RBFOX1: variants seen among roughly 807,000 people sequenced by gnomAD.
RBFOX1 encodes RNA binding fox-1 homolog 1, also known as RNA binding protein fox-1 homolog 1.
RBFOX1 carries 8 observed loss-of-function variants against 57.7 expected under a neutral mutation model. The observed-to-expected ratio is 0.14, with a 90% CI of 0.08 to 0.25. The LOEUF (loss-of-function observed/expected upper bound fraction) is 0.25, where lower values mean the gene tolerates loss of function less well. Ranked by LOEUF, RBFOX1 falls within the 10% of genes least tolerant of loss-of-function variation. RBFOX1 has a pLI of 1.00. For synonymous variants in RBFOX1, 326 were observed against 222.4 expected (o/e 1.47, Z -4.15); for missense variants, 611 against 548.5 (o/e 1.11, Z -1.14).
chr16:7,701,305 G>A (rs74011863), intron 14 of RBFOX1, among the ~76,000 whole-genome samples: 1,617 of 152,040 alleles, frequency 0.011, 25 homozygotes, highest in African/African-American at 0.029. Flanking sequence ...GGTGGTGAGC[G>A]GGGTGGGGGG....
At chr16:6,345,996 T>C (rs572045672) in intron 2 of RBFOX1, among the ~76,000 whole-genome samples, 1 of 152,304 alleles carries the variant, frequency 6.6e-6, no homozygotes, top group African/African-American at 2.4e-5. Context: ...ATAGGTGGGA[T>C]ACAAAGTGGT....
intron 4 of RBFOX1, among the ~76,000 whole-genome samples, chr16:7,459,278 A>G (rs1371020380): frequency 6.6e-6 from 1 of 152,204 alleles, no homozygotes; most frequent in Admixed American, 6.5e-5. Flanking sequence ...ACCAACAATT[A>G]TTATGTTTTG....
chr16:5,321,914 C>T (rs973777693), intron 1 of RBFOX1, among the ~76,000 whole-genome samples: 36 of 152,144 alleles, frequency 2.4e-4, no homozygotes, highest in Admixed American at 2.2e-3. Flanking sequence ...CCTTACGGGG[C>T]ACTGATTGCT....
intron 1 of RBFOX1, among the ~76,000 whole-genome samples, chr16:6,248,859 A>G (rs539327414): frequency 2.0e-5 from 3 of 152,256 alleles, no homozygotes; most frequent in East Asian, 3.9e-4. Flanking sequence ...TCAACACATG[A>G]AAAGAGCTTA....
At chr16:7,001,005 C>A (rs908111990) in intron 3 of RBFOX1, among the ~76,000 whole-genome samples, 3 of 152,102 alleles carry the variant, frequency 2.0e-5, no homozygotes, top group African/African-American at 7.2e-5. Flanking sequence ...GCAACCATTA[C>A]CATCACTCCT....
chr16:6,745,895 CAGAA>C (rs940368604), intron 3 of RBFOX1, among the ~76,000 whole-genome samples: 22 of 152,260 alleles, frequency 1.4e-4, no homozygotes, highest in Admixed American at 8.5e-4. Context: ...CTCTCTAAAA[CAGAA>C]AGTCACTGGA....
chr16:5,647,853 G>A (rs73512408), intron 3 of RBFOX1, among the ~76,000 whole-genome samples: 1,643 of 148,966 alleles, frequency 0.011, 29 homozygotes, highest in African/African-American at 0.04. Flanking sequence ...AGGCTGTTTT[G>A]TTTTTGTTTT....
intron 1 of RBFOX1, among the ~76,000 whole-genome samples, chr16:5,286,174 G>A (rs1388144989): frequency 6.6e-6 from 1 of 152,182 alleles, no homozygotes; most frequent in Non-Finnish European, 1.5e-5. Flanking sequence ...GACCAGGTGT[G>A]TCAATACTAG....
chr16:7,582,834 T>C (rs2093880821), intron 6 of RBFOX1, among the ~76,000 whole-genome samples: 1 of 152,132 alleles, frequency 6.6e-6, no homozygotes, highest in Non-Finnish European at 1.5e-5. Context: ...CTTTGTCTCT[T>C]GTTAAATATA....
At chr16:5,798,566 G>A (rs1374120844) in intron 3 of RBFOX1, among the ~76,000 whole-genome samples, 11 of 152,160 alleles carry the variant, frequency 7.2e-5, no homozygotes, top group Non-Finnish European at 1.2e-4. Context: ...GGGCATCTGC[G>A]CTAAATGATT....
intron 1 of RBFOX1, among the ~76,000 whole-genome samples, chr16:5,455,020 T>TTTCTTTCTTTCTTTCTTTCTTTCC (rs1555524318): frequency 1.7e-4 from 20 of 115,968 alleles, no homozygotes; most frequent in African/African-American, 6.1e-4. Context: ...TCTTTCTTTC[T>TTTCTTTCTTTCTTTCTTTCTTTCC]TTCTCTCTCT....
chr16:6,657,076 CCCTTTCCTCTCCTCCCCTTT>C (rs2098662680), intron 3 of RBFOX1, among the ~76,000 whole-genome samples: 10 of 92,042 alleles, frequency 1.1e-4, no homozygotes, highest in African/African-American at 4.2e-4. Context: ...TCCTCTCCTC[CCCTTTCCTCTCCTCCCCTTT>C]ACTCTCCTCT....
intron 3 of RBFOX1, among the ~76,000 whole-genome samples, chr16:5,741,087 C>T (rs1238053969): frequency 6.6e-6 from 1 of 152,190 alleles, no homozygotes; most frequent in Non-Finnish European, 1.5e-5. Context: ...AGGGTGGAGT[C>T]ACTGGTCCAA....
At chr16:7,689,539 G>A (rs1222031265) in intron 14 of RBFOX1, among the ~76,000 whole-genome samples, 2 of 151,950 alleles carry the variant, frequency 1.3e-5, no homozygotes, top group Admixed American at 6.6e-5. Context: ...CCTCTCTCCT[G>A]GAAATTCTGA....
intron 2 of RBFOX1, among the ~76,000 whole-genome samples, chr16:5,475,669 G>A (rs1026366403): frequency 1.3e-5 from 2 of 152,214 alleles, no homozygotes; most frequent in Non-Finnish European, 2.9e-5. Flanking sequence ...TGACAACCCA[G>A]TGAGGAGCCA....
At chr16:6,684,645 CTTCT>C (rs2059159515) in intron 3 of RBFOX1, among the ~76,000 whole-genome samples, 2 of 152,142 alleles carry the variant, frequency 1.3e-5, no homozygotes, top group Admixed American at 6.6e-5. Context: ...TGGGAGGTGG[CTTCT>C]TTATCAGTGT....
chr16:6,659,079 G>T (rs921832928), intron 3 of RBFOX1, among the ~76,000 whole-genome samples: 3 of 152,064 alleles, frequency 2.0e-5, no homozygotes, highest in African/African-American at 7.2e-5. Context: ...TACAGTACCT[G>T]TGTTTCTGCT....
intron 4 of RBFOX1, among the ~76,000 whole-genome samples, chr16:7,322,671 G>T (rs954244440): frequency 2.6e-5 from 4 of 152,096 alleles, no homozygotes; most frequent in African/African-American, 9.7e-5. Flanking sequence ...TTTCAGAGTG[G>T]TTCATGCCTC....
intron 3 of RBFOX1, among the ~76,000 whole-genome samples, chr16:6,676,902 T>C (rs183061996): frequency 6.6e-6 from 1 of 151,924 alleles, no homozygotes; most frequent in East Asian, 1.9e-4. Context: ...TTTTGAACCC[T>C]TGACCTCAGG....
Sources: allele counts gnomAD v4.1 joint callset (sites outside exome capture counted in the v4.1 genomes callset), GRCh38; gene constraint gnomAD v4.1.1; transcripts MANE v1.5; gene names NCBI Gene and HGNC (gene_info 2026-07-23, HGNC 2026-07-21).